The following CLIP1 variants were observed in gnomAD, a reference collection of about 807,000 sequenced individuals.
CLIP1 encodes CAP-Gly domain containing linker protein 1, also known as CAP-Gly domain-containing linker protein 1.
Under a neutral mutation model 161.6 loss-of-function variants are expected in CLIP1, and 66 were observed. The observed-to-expected ratio is 0.41, with a 90% CI of 0.33 to 0.50. CLIP1 has a LOEUF of 0.50. Ranked by LOEUF, CLIP1 falls within the 20% of genes least tolerant of loss-of-function variation. CLIP1 has a pLI of 0.27. For synonymous variants in CLIP1, 598 were observed against 626.2 expected (o/e 0.96, Z 0.67); for missense variants, 1,376 against 1,702.0 (o/e 0.81, Z 3.37).
chr12:122,307,915 G>C (rs1336598676), intron 20 of CLIP1, among the ~76,000 whole-genome samples: 1 of 152,146 alleles, frequency 6.6e-6, no homozygotes, highest in African/African-American at 2.4e-5. Flanking sequence ...GTTACATACA[G>C]AAAACTACCA....
In CLIP1 at chr12:122,419,926, C is replaced by CAAA. The variant is rs5801469; in HGVS notation, c.-107+2592_-107+2594dup. ...CAGAGCGAGATGCGAGACTCTGTCTCAAAAAAAAAAAAAAAAAAAAGCAAG... is the reference window on the plus strand; with the variant it reads ...CAGAGCGAGATGCGAGACTCTGTCTCAAAAAAAAAAAAAAAAAAAAAAAGCAAG... On this transcript the variant is annotated intron_variant, in intron 1 of 25. Coordinates refer to ENST00000620786, the MANE Select transcript of CLIP1 (RefSeq NM_001247997.2). Among the ~76,000 whole-genome samples the CAAA allele has an allele frequency of 4.8e-3, 379 of 79,706 alleles. 6 individuals are homozygous for CAAA. The highest frequency in any genetic ancestry group is 0.016 in the Middle Eastern group (2 of 122). 52.3% of individuals were successfully genotyped at this position (79,706 alleles called of 152,430 possible). A position where few individuals can be genotyped will look rare whatever the true frequency, so the allele number is the denominator to read the frequency against.
At chr12:122,393,535 A>T (rs10773121) in intron 1 of CLIP1, among the ~76,000 whole-genome samples, 151,228 of 152,292 alleles carry the variant, frequency 0.99, 75,093 homozygotes, top group East Asian at 1. Flanking sequence ...CTTAAAGACA[A>T]CCCAGTTAAA....
At chr12:122,374,020 A>G (rs1477288509) in intron 3 of CLIP1, among the ~76,000 whole-genome samples, 2 of 152,206 alleles carry the variant, frequency 1.3e-5, no homozygotes, top group Non-Finnish European at 2.9e-5. Flanking sequence ...ATTCTCAGGA[A>G]GATATTTTTC....
chr12:122,321,466 G>A (rs140709291), intron 17 of CLIP1, among the ~76,000 whole-genome samples: 2 of 151,544 alleles, frequency 1.3e-5, no homozygotes, highest in African/African-American at 2.4e-5. Flanking sequence ...GGCTGGTCTC[G>A]AACTCCTGAC....
chr12:122,344,702 T>C (rs1952662952), intron 10 of CLIP1, among the ~76,000 whole-genome samples: 1 of 152,246 alleles, frequency 6.6e-6, no homozygotes, highest in African/African-American at 2.4e-5. Flanking sequence ...CTTCTCCCAC[T>C]AGTTTGAGAC....
Position 122,395,410 on chromosome 12 carries a change from G to A in CLIP1, c.-106-14852C>T, listed in dbSNP as rs149518555. The A allele has an allele frequency of 2.1e-3, 316 of 152,202 alleles. 1 individual carries two copies. The highest frequency in any genetic ancestry group is 7.2e-3 in the African/African-American group (298 of 41,536). The allele number at this position is 152,202 out of a possible 1,614,324, so 9.4% of individuals were successfully genotyped here. A position where few individuals can be genotyped will look rare whatever the true frequency, so the allele number is the denominator to read the frequency against. ...AGTACCTCATGGTGTCTGTAGAATCGGGGCAGGCATCAGCTCATATCCTGC... is the reference window on the plus strand; with the variant it reads ...AGTACCTCATGGTGTCTGTAGAATCAGGGCAGGCATCAGCTCATATCCTGC... On this transcript the variant is annotated intron_variant, in intron 1 of 25. Transcript: ENST00000620786.
intron 10 of CLIP1, among the ~76,000 whole-genome samples, chr12:122,345,997 GC>G (rs1287246524): frequency 6.6e-6 from 1 of 151,942 alleles, no homozygotes; most frequent in Non-Finnish European, 1.5e-5. Context: ...TGTTGGCCAG[GC>G]TGGTCTCAAA....
chr12:122,413,190 A>T (rs1227780369), intron 1 of CLIP1, among the ~76,000 whole-genome samples: 1 of 152,194 alleles, frequency 6.6e-6, no homozygotes, highest in Admixed American at 6.6e-5. Flanking sequence ...AGGAAGAGAG[A>T]GGAGGCAAGA....
At chr12:122,282,390 C>T (rs1013262159) in intron 21 of CLIP1, among the ~76,000 whole-genome samples, 2 of 152,092 alleles carry the variant, frequency 1.3e-5, no homozygotes, top group Non-Finnish European at 2.9e-5. Context: ...ATAAACATAA[C>T]ATGAAAGAAG....
chr12:122,392,059 C>T (rs1160208364), intron 1 of CLIP1, among the ~76,000 whole-genome samples: 2 of 152,110 alleles, frequency 1.3e-5, no homozygotes, highest in Admixed American at 1.3e-4. Flanking sequence ...TTGCTTAAGT[C>T]CAGGAGTTTG....
Position 122,391,297 on chromosome 12 carries a change from A to G in CLIP1, c.-106-10739T>C, listed in dbSNP as rs147093330. ...AGCAAGACTCCGTCTAACAAAAAGA[A>G]GAACAAGGCCAGGTGCAGTGGCTCA... is the stretch of plus-strand genomic sequence containing the variant. On this transcript the variant is annotated intron_variant, in intron 1 of 25. Coordinates refer to ENST00000620786, the MANE Select transcript of CLIP1 (RefSeq NM_001247997.2). 3.7e-3 allele frequency among the ~76,000 whole-genome samples: 558 copies of G among 151,828 alleles called. 10 individuals are homozygous for G. The highest frequency in any genetic ancestry group is 0.029 in the Admixed American group (437 of 15,238).
intron 21 of CLIP1, among the ~76,000 whole-genome samples, chr12:122,287,000 AAAAC>A (rs1224325188): frequency 2.0e-5 from 3 of 152,082 alleles, no homozygotes; most frequent in Non-Finnish European, 4.4e-5. Context: ...TCTGCCTCAA[AAAAC>A]AAACAAACAA....
At chr12:122,390,660 G>C (rs1356551009) in intron 1 of CLIP1, among the ~76,000 whole-genome samples, 1 of 151,490 alleles carries the variant, frequency 6.6e-6, no homozygotes, top group East Asian at 1.9e-4. Flanking sequence ...ACTATAATGT[G>C]ACAAAATATA....
At position 122,380,416 on chromosome 12, in the gene CLIP1, TG is replaced by T; in HGVS notation, c.36del (p.Thr13ProfsTer4). 6.2e-7 allele frequency: 1 copy of T among 1,613,780 alleles called. No homozygotes were observed. The highest frequency in any genetic ancestry group is 8.5e-7 in the Non-Finnish European group (1 of 1,179,810). On this transcript the variant is annotated frameshift_variant, in exon 2 of 26. Transcript: ENST00000620786. LOFTEE classifies it high-confidence loss of function. Reference sequence around the variant, plus strand: ...GTGCTTCCAGGCTTCAGGATCTTGGTGGGGGCCTTAAGCCCACTTGGCTTTA... The same window carrying T: ...GTGCTTCCAGGCTTCAGGATCTTGGTGGGGCCTTAAGCCCACTTGGCTTTA... ...SMLKPSGLKA[P>X]TKILKPGSTA... is the part of the protein sequence containing the mutation.
chr12:122,364,487 T>C (rs1010852780), intron 3 of CLIP1, among the ~76,000 whole-genome samples: 2 of 151,874 alleles, frequency 1.3e-5, no homozygotes, highest in Non-Finnish European at 2.9e-5. Context: ...CACTGCAACC[T>C]TGACCTCCCG....
Position 122,377,974 on chromosome 12 carries a change from A to T in CLIP1, c.86-14T>A, listed in dbSNP as rs753701575. 1 of 1,566,382 alleles carries T rather than the reference A, an allele frequency of 6.4e-7. No homozygotes were observed. Among genetic ancestry groups the T allele is most frequent in the Non-Finnish European group, 8.6e-7 (1 of 1,161,236 alleles). On this transcript the variant is annotated splice_polypyrimidine_tract_variant and intron_variant, in intron 2 of 25. Transcript: ENST00000620786. ...CTGGAGCTACAACTGAAAACAAAAG[A>T]TCATAAGAGATTCGATTTAATTTTC...
At chr12:122,315,799 C>T (rs1043679568) in intron 19 of CLIP1, among the ~76,000 whole-genome samples, 2 of 151,802 alleles carry the variant, frequency 1.3e-5, no homozygotes, top group African/African-American at 4.8e-5. Flanking sequence ...CGCCACCACG[C>T]CCGGCTAATT....
chr12:122,349,636 T>G (rs1952923317), intron 9 of CLIP1, among the ~76,000 whole-genome samples: 1 of 152,220 alleles, frequency 6.6e-6, no homozygotes, highest in African/African-American at 2.4e-5. Context: ...ACCCTTCTTG[T>G]AAAATCATTC....
chr12:122,336,670 G>T lies in CLIP1; in HGVS notation c.2530C>A (p.Gln844Lys). ...NLQENLSEVS[Q>K]VKETLEKELQ... ...TCTTTTTCCAAAGTCTCTTTCACTT[G>T]ACTGACTTCACTCAAATTTTCCTGA... is the stretch of plus-strand genomic sequence containing the variant. The change falls in exon 12 of 26, where the codon CAA (glutamine) becomes AAA (lysine). Residue 844 changes from glutamine to lysine, a missense_variant. By Grantham distance (53) the Gln-to-Lys change is moderately conservative (BLOSUM62 1). Around this residue, in one of 6 missense-constraint regions of CLIP1, gnomAD observed 948 missense variants for 1,134.8 expected, o/e 0.84. Transcript: ENST00000620786. 1 of 1,611,072 alleles carries T rather than the reference G, an allele frequency of 6.2e-7. No individual in the cohort carries two copies. The highest frequency in any genetic ancestry group is 8.5e-7 in the Non-Finnish European group (1 of 1,178,150).
Sources: gnomAD v4.1 joint callset for allele counts (sites outside exome capture counted in the v4.1 genomes callset) on GRCh38, gnomAD v4.1.1 for gene constraint, gnomAD v4.1.1 regional missense constraint, MANE v1.5 for transcripts, NCBI Gene and HGNC (gene_info 2026-07-23, HGNC 2026-07-21) for gene names.